Variants in ALDH3A1 observed in about 807,000 individuals in gnomAD.
The protein encoded by ALDH3A1 is aldehyde dehydrogenase 3 family member A1.
ALDH3A1 carries 46 observed loss-of-function variants against 49.9 expected under a neutral mutation model. That is an observed-to-expected ratio of 0.92 (90% CI 0.73 to 1.18). The LOEUF (loss-of-function observed/expected upper bound fraction) is 1.18. ALDH3A1 is among the 50% of genes most tolerant of loss of function. ALDH3A1 has a pLI of 0.00. For missense variants in ALDH3A1, 592 were observed against 611.8 expected (o/e 0.97, Z 0.34); for synonymous variants, 269 against 253.3 (o/e 1.06, Z -0.59).
chr17:19,741,988 G>A lies in ALDH3A1; in HGVS notation c.689+16C>T. Reference sequence around the variant, plus strand: ...AGAGTAAGGACTGCTGCAGCCAGCAGGCCCGTGCCTCTCACCGGCAGGCCA... The same window carrying A: ...AGAGTAAGGACTGCTGCAGCCAGCAAGCCCGTGCCTCTCACCGGCAGGCCA... On this transcript the variant is annotated intron_variant, in intron 5 of 10. Coordinates refer to ENST00000225740, the MANE Select transcript of ALDH3A1 (RefSeq NM_000691.5). 1 of 1,613,120 alleles carries A rather than the reference G, an allele frequency of 6.2e-7. No individual in the cohort carries two copies. The highest frequency in any genetic ancestry group is 8.5e-7 in the Non-Finnish European group (1 of 1,179,516).
At chr17:19,742,323 C>A in intron 4 of ALDH3A1, 111 bp from the exon 5 acceptor site, 3 of 1,264,544 alleles carry the variant, frequency 2.4e-6, no homozygotes, top group Non-Finnish European at 1.1e-6. Context: ...GCTCAGCACC[C>A]CACCTTGGGC....
chr17:19,740,979 T>C (rs2086480514), intron 6 of ALDH3A1, 114 bp downstream of exon 6: 2 of 808,296 alleles, frequency 2.5e-6, no homozygotes, highest in Non-Finnish European at 4.1e-6. Context: ...ATTATGTTTA[T>C]ATTAGAAGAA....
chr17:19,742,855 G>T lies in ALDH3A1; in HGVS notation c.395-225C>A, dbSNP rs974702291. The T allele has an allele frequency of 3.3e-5, 50 of 1,532,284 alleles. No homozygotes were observed. In the African/African-American group the frequency reaches 4.7e-4, roughly 14 times the overall value. 94.9% of individuals were successfully genotyped at this position (1,532,284 alleles called of 1,614,324 possible). On this transcript the variant is annotated intron_variant, in intron 3 of 10. Coordinates refer to ENST00000225740, the MANE Select transcript of ALDH3A1 (RefSeq NM_000691.5). ...ACGCTGGCCAGAGCTGCACCACCTG[G>T]CCCTCTGAGTTGCTGAGATGTTGGA...
intron 1 of ALDH3A1, among the ~76,000 whole-genome samples, chr17:19,746,560 A>G (rs1366378028): frequency 6.6e-6 from 1 of 152,118 alleles, no homozygotes; most frequent in Non-Finnish European, 1.5e-5. Context: ...AGAAAGAAAG[A>G]AAGAAAAACA....
intron 7 of ALDH3A1, 183 bp downstream of exon 7, chr17:19,740,153 T>A: frequency 1.5e-6 from 1 of 655,520 alleles, no homozygotes; most frequent in Non-Finnish European, 2.4e-6. Flanking sequence ...GATTCTGAGG[T>A]TGAAGCAGGG....
intron 1 of ALDH3A1, among the ~76,000 whole-genome samples, chr17:19,746,636 T>C (rs201285966): frequency 3.6e-4 from 50 of 139,536 alleles, no homozygotes; most frequent in African/African-American, 1.3e-3. Flanking sequence ...TGTGTGTGTG[T>C]GCGTGTGCGT....
chr17:19,742,035 C>A lies in ALDH3A1; in HGVS notation c.658G>T (p.Asp220Tyr), dbSNP rs1366426625. Residue 220 changes from aspartate (D) to tyrosine (Y), a missense_variant, in exon 5 of 11, where the codon GAC (aspartate) becomes TAC (tyrosine). By Grantham distance (160) the Asp-to-Tyr change is radical. Coordinates refer to ENST00000225740, the MANE Select transcript of ALDH3A1 (RefSeq NM_000691.5). The stretch of plus-strand genomic sequence containing the variant: ...GCCACGTCCAGGTCACAGTTCTTGT[C>A]CACGTAGCAGGGACTCTTCCCTCCC... Reference protein sequence around the residue: ...ELGGKSPCYVDKNCDLDVACR... With the variant: ...ELGGKSPCYVYKNCDLDVACR... 6.2e-7 allele frequency: 1 copy of A among 1,613,948 alleles called. No individual in the cohort carries two copies. Among genetic ancestry groups the A allele is most frequent in the Admixed American group, 1.7e-5 (1 of 60,026 alleles).
chr17:19,744,911 C>CA lies in ALDH3A1; in HGVS notation c.162+56_162+57insT. ...GTCGCACTCTCCCCAGCCCCTCCCC[C>CA]CACGCCCCATCGCATGGCCCCGACA... On this transcript the variant is annotated intron_variant, in intron 2 of 10. Transcript: ENST00000225740. The CA allele has an allele frequency of 2.7e-6, 3 of 1,112,688 alleles. 1 individual carries two copies. Among genetic ancestry groups the CA allele is most frequent in the South Asian group, 3.6e-5 (2 of 55,902 alleles). 68.9% of individuals were successfully genotyped at this position (1,112,688 alleles called of 1,614,324 possible). A position where few individuals can be genotyped will look rare whatever the true frequency, so the allele number is the denominator to read the frequency against.
intron 4 of ALDH3A1, 130 bp downstream of exon 4, chr17:19,742,415 A>G: frequency 8.3e-7 from 1 of 1,200,318 alleles, no homozygotes; most frequent in South Asian, 1.5e-5. Context: ...GCAGCTGCTA[A>G]GAACAATCCT....
chr17:19,744,472 C>A, intron 2 of ALDH3A1: 2 of 985,424 alleles, frequency 2.0e-6, no homozygotes, highest in African/African-American at 3.5e-5. Context: ...GGAGGATGGG[C>A]TCCGGAGCGC....
chr17:19,744,919 C>CCCCA, intron 2 of ALDH3A1, 49 bp downstream of exon 2: 14 of 1,385,210 alleles, frequency 1.0e-5, no homozygotes, highest in Admixed American at 2.7e-5. Context: ...CCCCACGCCC[C>CCCCA]ATCGCATGGC....
intron 1 of ALDH3A1, among the ~76,000 whole-genome samples, chr17:19,746,393 TCA>T (rs1161947484): frequency 2.0e-5 from 3 of 152,074 alleles, no homozygotes; most frequent in South Asian, 4.1e-4. Flanking sequence ...GGAGCCATAA[TCA>T]CAGAGTTCTC....
chr17:19,741,006 C>A (rs2086480997), intron 6 of ALDH3A1, 87 bp downstream of exon 6: 1 of 997,364 alleles, frequency 1.0e-6, no homozygotes. Flanking sequence ...TCCAGTGTTT[C>A]CAAATCTGTA....
intron 10 of ALDH3A1, 34 bp from the exon 11 acceptor site, chr17:19,738,269 C>T (rs2086422393): frequency 6.2e-7 from 1 of 1,614,084 alleles, no homozygotes; most frequent in African/African-American, 1.3e-5. Context: ...CAGTGATCCC[C>T]AGGCCCTGGT....
chr17:19,743,840 T>C lies in ALDH3A1; in HGVS notation c.163-377A>G. ...ATGGATCCGGGGAGGGGGGATAGATTCGGGCACTGGGAGCTGGATCCGGGC... is the reference window on the plus strand; with the variant it reads ...ATGGATCCGGGGAGGGGGGATAGATCCGGGCACTGGGAGCTGGATCCGGGC... On this transcript the variant is annotated intron_variant, in intron 2 of 10. Transcript: ENST00000225740. The surrounding 1 kb of genome is among the most constrained non-coding windows in gnomAD (Gnocchi z 4.4). 1.0e-6 allele frequency: 1 copy of C among 979,130 alleles called. No homozygotes were observed. 60.7% of individuals were successfully genotyped at this position (979,130 alleles called of 1,614,324 possible).
intron 8 of ALDH3A1, 121 bp from the exon 9 acceptor site, chr17:19,739,216 T>C: frequency 1.1e-6 from 1 of 924,268 alleles, no homozygotes; most frequent in Non-Finnish European, 1.7e-6. Context: ...AGGCAGAGCC[T>C]TAGCCTCCAT....
intron 6 of ALDH3A1, 79 bp downstream of exon 6, chr17:19,741,014 G>A: frequency 9.6e-7 from 1 of 1,044,768 alleles, no homozygotes; most frequent in Non-Finnish European, 1.5e-6. Context: ...TTCCAAATCT[G>A]TAGAAGTTGG....
At position 19,740,370 on chromosome 17, in the gene ALDH3A1, A is replaced by AT; in HGVS notation, c.914dup (p.Tyr305Ter). The change falls in exon 7 of 11, where the codon TAT (tyrosine) becomes TAAT (stop). Residue 305 changes from tyrosine to a stop codon, truncating the protein, a stop_gained and frameshift_variant. Coordinates refer to ENST00000225740, the MANE Select transcript of ALDH3A1 (RefSeq NM_000691.5). LOFTEE classifies it high-confidence loss of function. ...MGLIEGQKVA[Y>*]GGTGDAATRY... ...GAGTGGCGGCATCCCCGGTGCCCCCATAAGCCACCTTCTGGCCCTCAATCA... is the reference window on the plus strand; with the variant it reads ...GAGTGGCGGCATCCCCGGTGCCCCCATTAAGCCACCTTCTGGCCCTCAATCA... The AT allele has an allele frequency of 6.2e-7, 1 of 1,614,038 alleles. No individual in the cohort carries two copies.
intron 1 of ALDH3A1, among the ~76,000 whole-genome samples, chr17:19,746,771 G>A (rs191901361): frequency 6.6e-6 from 1 of 152,140 alleles, no homozygotes; most frequent in Admixed American, 6.5e-5. Flanking sequence ...TAACATGCAA[G>A]AAAGGACTAG....
Sources: allele counts gnomAD v4.1 joint callset (sites outside exome capture counted in the v4.1 genomes callset), GRCh38; gene constraint gnomAD v4.1.1; non-coding constraint Gnocchi (gnomAD v3.1); transcripts MANE v1.5; gene names NCBI Gene and HGNC (gene_info 2026-07-23, HGNC 2026-07-21).